The following CHST9 variants were observed in gnomAD, a reference collection of about 807,000 sequenced individuals.
The protein encoded by CHST9 is GalNAc-4-sulfotransferase 2.
Under a neutral mutation model 44.4 loss-of-function variants are expected in CHST9, and 41 were observed. That is an observed-to-expected ratio of 0.92 (90% CI 0.72 to 1.20). CHST9 has a LOEUF of 1.20. Among genes scored for constraint, CHST9 ranks in the 50% most tolerant of loss-of-function variants. The pLI, the probability that CHST9 is intolerant of heterozygous loss-of-function variation, is 0.00. For missense variants in CHST9, 504 were observed against 516.5 expected (o/e 0.98, Z 0.23); for synonymous variants, 171 against 178.4 (o/e 0.96, Z 0.33).
intron 5 of CHST9, among the ~76,000 whole-genome samples, chr18:26,917,943 A>G (rs1011809285): frequency 1.4e-4 from 21 of 152,000 alleles, no homozygotes; most frequent in Non-Finnish European, 4.4e-5. Context: ...AGAATTTATT[A>G]TGATCATAGT....
chr18:27,068,290 A>G (rs1390806373), intron 2 of CHST9, among the ~76,000 whole-genome samples: 1 of 151,806 alleles, frequency 6.6e-6, no homozygotes, highest in East Asian at 1.9e-4. Flanking sequence ...TTTCATACTG[A>G]CTTTACATTT....
chr18:26,928,770 G>C (rs1266121150), intron 5 of CHST9, among the ~76,000 whole-genome samples: 3 of 152,196 alleles, frequency 2.0e-5, no homozygotes, highest in Non-Finnish European at 4.4e-5. Context: ...GGTTTCTGCA[G>C]GGCGAGTTCT....
chr18:27,153,554 GTGTGTGTGTGTGTA>G (rs1439084812), intron 1 of CHST9, among the ~76,000 whole-genome samples: 1 of 134,478 alleles, frequency 7.4e-6, no homozygotes, highest in Non-Finnish European at 1.7e-5. Flanking sequence ...CTCTGTGTGT[GTGTGTGTGTGTGTA>G]TGTGTGTGTG....
chr18:27,015,204 C>G (rs1037027707), intron 4 of CHST9, among the ~76,000 whole-genome samples: 1 of 152,198 alleles, frequency 6.6e-6, no homozygotes, highest in East Asian at 1.9e-4. Flanking sequence ...GTGCTGCAAG[C>G]TCAACGGCCT....
intron 2 of CHST9, among the ~76,000 whole-genome samples, chr18:27,048,928 G>A (rs1041255106): frequency 9.9e-5 from 15 of 152,172 alleles, no homozygotes; most frequent in African/African-American, 3.4e-4. Context: ...GATATGAGAT[G>A]ATGAAACAGT....
chr18:27,142,526 T>C (rs1365018659), intron 2 of CHST9, among the ~76,000 whole-genome samples, 163 bp downstream of exon 2: 1 of 152,236 alleles, frequency 6.6e-6, no homozygotes, highest in Non-Finnish European at 1.5e-5. Flanking sequence ...CAGAGTTGTA[T>C]AATTTTCCTT....
At chr18:27,034,766 T>C (rs934362529) in intron 3 of CHST9, among the ~76,000 whole-genome samples, 1 of 152,224 alleles carries the variant, frequency 6.6e-6, no homozygotes, top group Non-Finnish European at 1.5e-5. Flanking sequence ...TCCTCTCCCA[T>C]TCTGGCTAAT....
chr18:27,156,486 T>C (rs1186707781), intron 1 of CHST9, among the ~76,000 whole-genome samples: 1 of 152,134 alleles, frequency 6.6e-6, no homozygotes, highest in Non-Finnish European at 1.5e-5. Flanking sequence ...CAGGCGGATG[T>C]AGTATAATAT....
chr18:27,141,186 G>A (rs990550818), intron 2 of CHST9, among the ~76,000 whole-genome samples: 24 of 152,164 alleles, frequency 1.6e-4, no homozygotes, highest in African/African-American at 4.6e-4. Flanking sequence ...GTGAAACCCC[G>A]TCTCTACTAA....
intron 1 of CHST9, among the ~76,000 whole-genome samples, chr18:27,166,686 G>A (rs2058793194): frequency 6.6e-6 from 1 of 152,116 alleles, no homozygotes; most frequent in Non-Finnish European, 1.5e-5. Flanking sequence ...CTTAAACATT[G>A]CTTTTTAACT....
intron 2 of CHST9, among the ~76,000 whole-genome samples, chr18:27,053,271 A>AAGAAGAAGG (rs1568151256): frequency 2.5e-5 from 3 of 121,596 alleles, no homozygotes; most frequent in Middle Eastern, 3.8e-3. Context: ...GGAGAAGGAG[A>AAGAAGAAGG]AGGAGAAGGA....
In CHST9 at chr18:26,916,175, C is replaced by G; in HGVS notation, c.*84G>C. 1.8e-6 allele frequency: 2 copies of G among 1,115,194 alleles called. No homozygotes were observed. The highest frequency in any genetic ancestry group is 2.6e-6 in the Non-Finnish European group (2 of 777,992). 69.1% of individuals were successfully genotyped at this position (1,115,194 alleles called of 1,614,324 possible). ...CAACTGCACTTGGTTAAATTTCTGT[C>G]ATACAGAGAATTATAGAAAAATTAC... On this transcript the variant is annotated 3_prime_UTR_variant, in exon 6 of 6. Coordinates refer to ENST00000618847, the MANE Select transcript of CHST9 (RefSeq NM_031422.6).
At chr18:27,076,355 G>T (rs1456499929) in intron 2 of CHST9, among the ~76,000 whole-genome samples, 1 of 152,208 alleles carries the variant, frequency 6.6e-6, no homozygotes, top group African/African-American at 2.4e-5. Flanking sequence ...GTAAGTGTAT[G>T]TGTGTAGTAT....
chr18:27,013,764 C>T (rs1013907858), intron 4 of CHST9, among the ~76,000 whole-genome samples: 6 of 152,130 alleles, frequency 3.9e-5, no homozygotes, highest in African/African-American at 1.2e-4. Context: ...TTTTAAAGTT[C>T]TAATTACCTA....
chr18:27,138,709 C>T (rs1213400697), intron 2 of CHST9, among the ~76,000 whole-genome samples: 1 of 152,102 alleles, frequency 6.6e-6, no homozygotes, highest in African/African-American at 2.4e-5. Context: ...GCATTGTCTC[C>T]TTTAATCTTC....
intron 3 of CHST9, among the ~76,000 whole-genome samples, chr18:27,039,661 G>T (rs1733149408): frequency 6.6e-6 from 1 of 151,956 alleles, no homozygotes; most frequent in Admixed American, 6.6e-5. Flanking sequence ...AAAATGGTAA[G>T]TTTTATGTGT....
chr18:27,122,469 G>A (rs1371372170), intron 2 of CHST9, among the ~76,000 whole-genome samples: 1 of 152,168 alleles, frequency 6.6e-6, no homozygotes, highest in Non-Finnish European at 1.5e-5. Context: ...CCTTGTACAT[G>A]TAGAACAACA....
chr18:27,069,134 T>C (rs1414498185), intron 2 of CHST9, among the ~76,000 whole-genome samples: 7 of 152,214 alleles, frequency 4.6e-5, no homozygotes, highest in African/African-American at 7.2e-5. Flanking sequence ...GCAGCCAAAA[T>C]GTAAAGTGGT....
intron 2 of CHST9, among the ~76,000 whole-genome samples, chr18:27,077,796 C>A (rs1282737906): frequency 6.6e-6 from 1 of 152,158 alleles, no homozygotes; most frequent in Admixed American, 6.5e-5. Flanking sequence ...TTTGTTCTCA[C>A]ACTGCTATAA....
Sources: allele counts gnomAD v4.1 joint callset (sites outside exome capture counted in the v4.1 genomes callset), GRCh38; gene constraint gnomAD v4.1.1; transcripts MANE v1.5; gene names NCBI Gene and HGNC (gene_info 2026-07-23, HGNC 2026-07-21).